Variants in TMEM230 observed in about 807,000 individuals in gnomAD.
TMEM230 encodes the protein transmembrane protein 230.
Under a neutral mutation model 15.8 loss-of-function variants are expected in TMEM230, and 10 were observed. That is an observed-to-expected ratio of 0.63 (90% CI 0.39 to 1.07). The LOEUF is 1.07. Ranked by LOEUF, TMEM230 falls within the 50% of genes least tolerant of loss-of-function variation. The pLI, the probability that TMEM230 is intolerant of heterozygous loss-of-function variation, is 0.01. For synonymous variants in TMEM230, 67 were observed against 76.9 expected (o/e 0.87, Z 0.68); for missense variants, 165 against 193.3 (o/e 0.85, Z 0.87).
intron 3 of TMEM230, among the ~76,000 whole-genome samples, chr20:5,076,965 A>G (rs2089024115): frequency 6.8e-6 from 1 of 147,690 alleles, no homozygotes; most frequent in African/African-American, 2.5e-5. Context: ...GGTGTGAGCC[A>G]CCATGCCCAG....
intron 3 of TMEM230, among the ~76,000 whole-genome samples, chr20:5,085,232 C>T (rs530272301): frequency 4.0e-4 from 61 of 152,020 alleles, no homozygotes; most frequent in Non-Finnish European, 8.2e-4. Context: ...TAGCAACTCT[C>T]CTCCAATTCT....
At chr20:5,066,098 A>G (rs2088649940), downstream of TMEM230, 2 of 152,264 alleles carry the variant, frequency 1.3e-5, no homozygotes, top group Admixed American at 6.5e-5. Flanking sequence ...AGCTTTGCTA[A>G]GTCATGGTCA....
Position 5,100,978 on chromosome 20 carries a change from A to G in TMEM230, c.412-47T>C, listed in dbSNP as rs747191484. 31 of 1,604,112 alleles carry G rather than the reference A, an allele frequency of 1.9e-5. No homozygotes were observed. In the South Asian group the frequency reaches 3.2e-4, roughly 17 times the overall value. ...CACATTAGTACCGTAAGAGTTACACATTTTAAAATAAAACGTCACAGACCT... is the reference window on the plus strand; with the variant it reads ...CACATTAGTACCGTAAGAGTTACACGTTTTAAAATAAAACGTCACAGACCT... On this transcript the variant is annotated intron_variant, in intron 4 of 4. Coordinates refer to ENST00000342308, the MANE Select transcript of TMEM230 (RefSeq NM_001009923.2).
downstream of TMEM230, chr20:5,099,797 ATC>A: frequency 5.4e-6 from 5 of 918,574 alleles, no homozygotes; most frequent in Non-Finnish European, 6.5e-6. Context: ...ACTAAGGTAG[ATC>A]TAGGTACTGG....
chr20:5,112,428 C>G (rs930388854), intron 1 of TMEM230, among the ~76,000 whole-genome samples: 3 of 152,176 alleles, frequency 2.0e-5, no homozygotes, highest in Non-Finnish European at 4.4e-5. Flanking sequence ...ATCTAACTTG[C>G]AATTAGACTT....
At chr20:5,067,409 T>TTA (rs1198250490), downstream of TMEM230, 19 of 73,804 alleles carry the variant, frequency 2.6e-4, no homozygotes, top group African/African-American at 6.6e-4. Flanking sequence ...GTGTTTAGGC[T>TTA]CATATATATA....
intron 3 of TMEM230, among the ~76,000 whole-genome samples, chr20:5,090,956 G>A (rs1195502459): frequency 1.3e-5 from 2 of 152,200 alleles, no homozygotes; most frequent in Non-Finnish European, 2.9e-5. Context: ...CTCTTGGAGA[G>A]AAAGGAAAGA....
downstream of TMEM230, among the ~76,000 whole-genome samples, chr20:5,097,310 G>A (rs1051871369): frequency 6.6e-6 from 1 of 152,158 alleles, no homozygotes. Context: ...CACCAGAGTG[G>A]CAACGGATCT....
chr20:5,059,805 T>G, the TMEM230 span, among the ~76,000 whole-genome samples: 3 of 135,706 alleles, frequency 2.2e-5, no homozygotes, highest in Non-Finnish European at 4.6e-5. Flanking sequence ...AGACAGAGTC[T>G]CGCTCTGTCG....
At chr20:5,088,880 A>T (rs145170435) in intron 3 of TMEM230, among the ~76,000 whole-genome samples, 4 of 152,322 alleles carry the variant, frequency 2.6e-5, no homozygotes, top group Non-Finnish European at 5.9e-5. Context: ...AGGTGGAATG[A>T]TACTGTTAAA....
At chr20:5,074,145 T>C (rs1053028053) in intron 3 of TMEM230, among the ~76,000 whole-genome samples, 2 of 152,036 alleles carry the variant, frequency 1.3e-5, no homozygotes, top group Non-Finnish European at 2.9e-5. Context: ...CCCGAACACC[T>C]CCCACCAGGC....
intron 3 of TMEM230, among the ~76,000 whole-genome samples, chr20:5,074,423 C>A (rs1463308877): frequency 6.6e-6 from 1 of 151,962 alleles, no homozygotes; most frequent in African/African-American, 2.4e-5. Context: ...TATTTACTTT[C>A]CCACAGTTTA....
downstream of TMEM230, among the ~76,000 whole-genome samples, chr20:5,095,045 A>G (rs896990580): frequency 2.0e-5 from 3 of 152,170 alleles, no homozygotes; most frequent in African/African-American, 7.2e-5. Context: ...CCATTAGTTC[A>G]GCTGTGGGGC....
At chr20:5,077,058 C>A (rs1232742238) in intron 3 of TMEM230, among the ~76,000 whole-genome samples, 1 of 151,506 alleles carries the variant, frequency 6.6e-6, no homozygotes, top group East Asian at 2.0e-4. Context: ...GTAATCCCAG[C>A]ACTTTGAGAG....
intron 3 of TMEM230, among the ~76,000 whole-genome samples, chr20:5,092,198 T>C (rs1550701): frequency 0.69 from 104,667 of 151,948 alleles, 36,898 homozygotes; most frequent in East Asian, 0.84. Context: ...TAGTTTCTTG[T>C]CCCTTGCTGG....
At chr20:5,109,212 T>C in intron 3 of TMEM230, 120 bp downstream of exon 2, 2 of 734,936 alleles carry the variant, frequency 2.7e-6, no homozygotes. Flanking sequence ...AGCTGAGTTT[T>C]CTTCTTGTTG....
At chr20:5,111,688 G>C (rs1389476399) in intron 1 of TMEM230, 1 of 467,742 alleles carries the variant, frequency 2.1e-6, no homozygotes, top group South Asian at 9.1e-5. Flanking sequence ...CATAAAAAAA[G>C]GACTAGTTTT....
At chr20:5,071,769 C>T (rs1171137428) in intron 3 of TMEM230, among the ~76,000 whole-genome samples, 1 of 152,112 alleles carries the variant, frequency 6.6e-6, no homozygotes, top group Non-Finnish European at 1.5e-5. Context: ...TTGAGACAGT[C>T]TCACTCTGTC....
downstream of TMEM230, among the ~76,000 whole-genome samples, chr20:5,064,960 T>A (rs1478813083): frequency 6.6e-6 from 1 of 151,728 alleles, no homozygotes; most frequent in African/African-American, 2.4e-5. Context: ...CACTTGAGCT[T>A]AGGAGTTTGA....
Sources: gnomAD v4.1 joint callset for allele counts (sites outside exome capture counted in the v4.1 genomes callset) on GRCh38, gnomAD v4.1.1 for gene constraint, MANE v1.5 for transcripts, NCBI Gene and HGNC (gene_info 2026-07-23, HGNC 2026-07-21) for gene names.